Variants in DOCK4 observed in about 807,000 individuals in gnomAD.
DOCK4 encodes the protein dedicator of cytokinesis protein 4.
Under a neutral mutation model 268.1 loss-of-function variants are expected in DOCK4, and 97 were observed. That is an observed-to-expected ratio of 0.36 (90% CI 0.31 to 0.43). The LOEUF is 0.43. DOCK4 is among the 20% of genes least tolerant of loss of function. DOCK4 has a pLI of 1.00. For synonymous variants in DOCK4, 954 were observed against 887.2 expected, an observed-to-expected ratio of 1.08 and a Z score of -1.34; for missense variants, 2,145 against 2,455.7, an observed-to-expected ratio of 0.87 and a Z score of 2.67.
intron 42 of DOCK4, among the ~76,000 whole-genome samples, chr7:111,748,871 G>A (rs916687952): frequency 6.6e-6 from 1 of 152,080 alleles, no homozygotes; most frequent in African/African-American, 2.4e-5. Flanking sequence ...ATATGTTCAT[G>A]GAATGGAATA....
chr7:111,741,146 A>G lies in DOCK4; in HGVS notation c.4988T>C (p.Val1663Ala), dbSNP rs779273151. ...SSLSSQASAEVSNITGQSESS... is the reference protein window; with the variant it reads ...SSLSSQASAEASNITGQSESS... ...TTCTGATTGCCCTGTAATATTGCTTACTTCAGCAGAAGCTTGTGAGGACAG... is the reference window on the plus strand; with the variant it reads ...TTCTGATTGCCCTGTAATATTGCTTGCTTCAGCAGAAGCTTGTGAGGACAG... Residue 1663 changes from valine to alanine, a missense_variant, in exon 47 of 53, where the codon GTA becomes GCA. Physicochemically the swap from Val to Ala is moderately conservative, Grantham distance 64 (BLOSUM62 0). Coordinates refer to ENST00000428084, the MANE Select transcript of DOCK4 (RefSeq NM_001363540.2). 3.8e-5 allele frequency: 61 copies of G among 1,613,924 alleles called. No homozygotes were observed. Among genetic ancestry groups the G allele is most frequent in the Non-Finnish European group, 5.0e-5 (59 of 1,179,902 alleles).
chr7:112,018,189 A>G (rs1334522058), intron 1 of DOCK4, among the ~76,000 whole-genome samples: 2 of 136,996 alleles, frequency 1.5e-5, no homozygotes, highest in Admixed American at 7.4e-5. Flanking sequence ...AACACAGGCA[A>G]CCAGTATTCA....
intron 1 of DOCK4, among the ~76,000 whole-genome samples, chr7:112,120,688 G>A (rs769550058): frequency 6.6e-6 from 1 of 152,252 alleles, no homozygotes; most frequent in South Asian, 2.1e-4. Flanking sequence ...AATTTAGGTT[G>A]ATACCAAGAG....
chr7:111,948,814 C>T (rs368697260), intron 8 of DOCK4, among the ~76,000 whole-genome samples: 10 of 151,566 alleles, frequency 6.6e-5, no homozygotes, highest in Non-Finnish European at 1.0e-4. Context: ...AGGCTGGTCT[C>T]GAACTCCTGA....
At chr7:112,145,162 C>T (rs1815345153) in intron 1 of DOCK4, among the ~76,000 whole-genome samples, 1 of 152,114 alleles carries the variant, frequency 6.6e-6, no homozygotes, top group African/African-American at 2.4e-5. Context: ...GGTTAGCAAG[C>T]ATCAGGCAAG....
At chr7:112,087,168 T>C (rs1336456250) in intron 1 of DOCK4, among the ~76,000 whole-genome samples, 3 of 152,102 alleles carry the variant, frequency 2.0e-5, no homozygotes, top group East Asian at 1.9e-4. Context: ...TACCCATTTC[T>C]CTTTTCAACA....
chr7:112,184,678 C>T (rs780943376), intron 1 of DOCK4, among the ~76,000 whole-genome samples: 2 of 152,086 alleles, frequency 1.3e-5, no homozygotes, highest in African/African-American at 2.4e-5. Context: ...TATGGTCACA[C>T]GCCTTGGACA....
intron 42 of DOCK4, among the ~76,000 whole-genome samples, chr7:111,751,441 A>AT (rs879688074): frequency 0.011 from 1,582 of 147,636 alleles, 21 homozygotes; most frequent in African/African-American, 0.035. Flanking sequence ...GAGTAAAAAT[A>AT]TTTTTTTTTT....
rs754500769 is a variant in DOCK4 at position 111,977,115 on chromosome 7, T to G, written c.701+17A>C. The G allele has an allele frequency of 1.2e-6, 2 of 1,612,462 alleles. No individual in the cohort carries two copies. Among genetic ancestry groups the G allele is most frequent in the East Asian group, 4.5e-5 (2 of 44,840 alleles). On this transcript the variant is annotated intron_variant, in intron 8 of 52. Coordinates refer to ENST00000428084, the MANE Select transcript of DOCK4 (RefSeq NM_001363540.2). ...CTAACATTAAGACATTGAAACCCTATCTCCACGTGCAGGTACCTGATTGGC... is the reference window on the plus strand; with the variant it reads ...CTAACATTAAGACATTGAAACCCTAGCTCCACGTGCAGGTACCTGATTGGC...
intron 1 of DOCK4, among the ~76,000 whole-genome samples, chr7:112,089,309 T>C (rs1034261166): frequency 1.3e-5 from 2 of 152,130 alleles, no homozygotes; most frequent in African/African-American, 2.4e-5. Flanking sequence ...CTTTGCTATA[T>C]ATAATCAATA....
At chr7:111,941,843 G>T (rs955959378) in intron 10 of DOCK4, among the ~76,000 whole-genome samples, 1 of 152,174 alleles carries the variant, frequency 6.6e-6, no homozygotes, top group Non-Finnish European at 1.5e-5. Context: ...AGGTTGATGG[G>T]AGAAGTGTAG....
chr7:111,783,971 G>A lies in DOCK4; in HGVS notation c.3429-19C>T, dbSNP rs750033934. The stretch of plus-strand genomic sequence containing the variant: ...TAGTAGACTGGAAAAGAAAGAACCC[G>A]GGGCATTTTCAACATTTATTTTTAT... On this transcript the variant is annotated intron_variant, in intron 33 of 52. Transcript: ENST00000428084. 55 of 1,583,420 alleles carry A rather than the reference G, an allele frequency of 3.5e-5. No homozygotes were observed. Among genetic ancestry groups the A allele is most frequent in the Admixed American group, 1.3e-4 (7 of 55,596 alleles).
At chr7:112,148,347 A>G (rs1214118632) in intron 1 of DOCK4, among the ~76,000 whole-genome samples, 5 of 152,170 alleles carry the variant, frequency 3.3e-5, no homozygotes, top group African/African-American at 1.2e-4. Context: ...ACATAGAACC[A>G]ACCCCCTTTG....
At chr7:111,733,189 A>G (rs1464780338) in intron 51 of DOCK4, among the ~76,000 whole-genome samples, 1 of 152,230 alleles carries the variant, frequency 6.6e-6, no homozygotes, top group Non-Finnish European at 1.5e-5. Context: ...GCAACTCACA[A>G]CTACTGAAAG....
intron 1 of DOCK4, among the ~76,000 whole-genome samples, chr7:112,171,544 A>C (rs1467514010): frequency 6.6e-6 from 1 of 151,848 alleles, no homozygotes; most frequent in Non-Finnish European, 1.5e-5. Flanking sequence ...GGTGTACTCT[A>C]TACAGCATAA....
chr7:111,929,179 T>C (rs972845851), intron 12 of DOCK4, among the ~76,000 whole-genome samples: 1 of 152,162 alleles, frequency 6.6e-6, no homozygotes, highest in African/African-American at 2.4e-5. Flanking sequence ...TATGTACATA[T>C]ATACACACAC....
At chr7:112,092,649 A>G (rs1036369812) in intron 1 of DOCK4, among the ~76,000 whole-genome samples, 6 of 152,308 alleles carry the variant, frequency 3.9e-5, no homozygotes, top group East Asian at 1.9e-4. Flanking sequence ...TCCAAAGGCT[A>G]TTACAGTGCG....
At chr7:111,879,368 T>C (rs1415879204) in intron 16 of DOCK4, among the ~76,000 whole-genome samples, 1 of 152,106 alleles carries the variant, frequency 6.6e-6, no homozygotes, top group East Asian at 1.9e-4. Context: ...ACGTCCTGGC[T>C]TCATGTGTGA....
chr7:112,091,934 C>T (rs1300205116), intron 1 of DOCK4, among the ~76,000 whole-genome samples: 2 of 152,106 alleles, frequency 1.3e-5, no homozygotes, highest in Non-Finnish European at 2.9e-5. Flanking sequence ...CTCTTTATCC[C>T]CATTTGACCA....
Sources: gnomAD v4.1 joint callset for allele counts (sites outside exome capture counted in the v4.1 genomes callset) on GRCh38, gnomAD v4.1.1 for gene constraint, MANE v1.5 for transcripts, NCBI Gene and HGNC (gene_info 2026-07-23, HGNC 2026-07-21) for gene names.